The following ANKRD30A variants were observed in gnomAD, a reference collection of about 807,000 sequenced individuals.
ANKRD30A encodes the protein ankyrin repeat domain-containing protein 30A.
Under a neutral mutation model 166.3 loss-of-function variants are expected in ANKRD30A, and 170 were observed. That is an observed-to-expected ratio of 1.02 (90% confidence interval 0.90 to 1.16). ANKRD30A has a LOEUF of 1.16. Ranked by LOEUF, ANKRD30A falls within the 50% of genes most tolerant of loss-of-function variation. The probability of loss-of-function intolerance (pLI) is 0.00; values close to 1 mark genes in which losing one functional copy is unlikely to be tolerated. For missense variants in ANKRD30A, 1,630 were observed against 1,518.0 expected (o/e 1.07, Z -1.23); for synonymous variants, 564 against 508.9 (o/e 1.11, Z -1.46).
intron 6 of ANKRD30A, among the ~76,000 whole-genome samples, chr10:37,141,324 C>T (rs1837090369): frequency 6.6e-6 from 1 of 152,038 alleles, no homozygotes; most frequent in Non-Finnish European, 1.5e-5. Flanking sequence ...GTAGTCCTAG[C>T]ACTCTGGGAG....
chr10:37,179,210 C>T (rs1426480133), intron 24 of ANKRD30A, among the ~76,000 whole-genome samples: 2 of 150,798 alleles, frequency 1.3e-5, no homozygotes, highest in Non-Finnish European at 3.0e-5. Flanking sequence ...TAACATGCTA[C>T]ACGAAACCAG....
intron 13 of ANKRD30A, among the ~76,000 whole-genome samples, chr10:37,157,485 G>T (rs551695536): frequency 3.3e-5 from 5 of 152,230 alleles, no homozygotes; most frequent in Non-Finnish European, 4.4e-5. Flanking sequence ...GGTACCTCAG[G>T]CACCCAAGTA....
At chr10:37,172,091 A>T (rs1839612269) in intron 21 of ANKRD30A, among the ~76,000 whole-genome samples, 1 of 138,612 alleles carries the variant, frequency 7.2e-6, no homozygotes, top group African/African-American at 2.8e-5. Context: ...CACGTCTGTA[A>T]TGCCAGCACG....
intron 6 of ANKRD30A, among the ~76,000 whole-genome samples, chr10:37,137,683 G>A (rs561045286): frequency 1.3e-5 from 2 of 152,270 alleles, no homozygotes; most frequent in South Asian, 2.1e-4. Flanking sequence ...GGGGAGGGAC[G>A]CTTACCATTG....
At chr10:37,236,681 T>C (rs150424034), downstream of ANKRD30A, among the ~76,000 whole-genome samples, 266 of 152,310 alleles carry the variant, frequency 1.7e-3, no homozygotes, top group Admixed American at 6.7e-3. Flanking sequence ...TAAGTTCAGG[T>C]TTGTCTTTGT....
chr10:37,183,853 A>G (rs1413920580), intron 24 of ANKRD30A, among the ~76,000 whole-genome samples: 1 of 148,572 alleles, frequency 6.7e-6, no homozygotes, highest in African/African-American at 2.5e-5. Flanking sequence ...ACACTTATTT[A>G]TTTAAAAAAT....
intron 31 of ANKRD30A, among the ~76,000 whole-genome samples, chr10:37,208,475 G>T (rs753323035): frequency 1.3e-5 from 2 of 152,076 alleles, no homozygotes; most frequent in Non-Finnish European, 2.9e-5. Context: ...CTAACCTGTG[G>T]TCACCATTTG....
At position 37,162,837 on chromosome 10, in the gene ANKRD30A, C is replaced by T. The variant is rs772520660; in HGVS notation, c.1991C>T (p.Thr664Ile). Residue 664 changes from threonine to isoleucine, a missense_variant, in exon 17 of 36, where the codon ACA becomes ATA. Physicochemically the swap from Thr to Ile is moderately conservative, Grantham distance 89 (BLOSUM62 -1). Transcript: ENST00000361713. Reference sequence around the variant, plus strand: ...GCCTTGGAATTGAAAAATGAACAAACATTGAGAGCAGGTAAATTTTTCAAT... The same window carrying T: ...GCCTTGGAATTGAAAAATGAACAAATATTGAGAGCAGGTAAATTTTTCAAT... ...NKALELKNEQTLRADEILPSE... is the reference protein window; with the variant it reads ...NKALELKNEQILRADEILPSE... The T allele has an allele frequency of 4.3e-6, 7 of 1,613,330 alleles. No individual in the cohort carries two copies. Among genetic ancestry groups the T allele is most frequent in the Non-Finnish European group, 5.9e-6 (7 of 1,179,666 alleles).
chr10:37,126,904 G>A (rs1284494491), intron 1 of ANKRD30A, among the ~76,000 whole-genome samples: 1 of 151,640 alleles, frequency 6.6e-6, no homozygotes, highest in African/African-American at 2.4e-5. Context: ...AAAATTAGCC[G>A]GGCATGATGT....
At chr10:37,215,875 C>G (rs1456765706) in intron 31 of ANKRD30A, among the ~76,000 whole-genome samples, 2 of 151,438 alleles carry the variant, frequency 1.3e-5, no homozygotes, top group Non-Finnish European at 3.0e-5. Flanking sequence ...TGTAGCCATA[C>G]ATTCCTCAGG....
chr10:37,167,916 T>C lies in ANKRD30A; in HGVS notation c.2155+1221T>C, dbSNP rs200235420. On this transcript the variant is annotated intron_variant, in intron 19 of 35. Coordinates refer to ENST00000361713, the MANE Select transcript of ANKRD30A (RefSeq NM_052997.3). ...AACATGATGAATGTTTGTAATGCAA[T>C]GATATAAATTATTATAATGTGTTGC... 8.9e-3 allele frequency among the ~76,000 whole-genome samples: 1,095 copies of C among 122,474 alleles called. 28 individuals carry two copies. Among genetic ancestry groups the C allele is most frequent in the East Asian group, 0.086 (368 of 4,290 alleles). The allele number at this position is 122,474 out of a possible 152,430, so 80.3% of individuals were successfully genotyped here. A position where few individuals can be genotyped will look rare whatever the true frequency, so the allele number is the denominator to read the frequency against.
rs1467612476 is a variant in ANKRD30A at position 37,222,514 on chromosome 10, T to C, written c.4185+2617T>C. Among the ~76,000 whole-genome samples the C allele has an allele frequency of 4.6e-5, 7 of 151,272 alleles. No homozygotes were observed. The East Asian group carries it at 1.4e-3, about 29-fold the overall frequency. ...CTATTCATTCATCAGTTGATAGATG[T>C]TTAGGTTGCTTCTGCTTGTGGCCAT... On this transcript the variant is annotated intron_variant, in intron 34 of 35. Coordinates refer to ENST00000361713, the MANE Select transcript of ANKRD30A (RefSeq NM_052997.3).
At chr10:37,193,772 C>T (rs1840803534) in intron 27 of ANKRD30A, among the ~76,000 whole-genome samples, 1 of 152,034 alleles carries the variant, frequency 6.6e-6, no homozygotes, top group Non-Finnish European at 1.5e-5. Flanking sequence ...CTTGTCTAGA[C>T]ACGGTGTTTT....
At chr10:37,195,882 G>T (rs1841045350) in intron 27 of ANKRD30A, among the ~76,000 whole-genome samples, 1 of 152,096 alleles carries the variant, frequency 6.6e-6, no homozygotes, top group African/African-American at 2.4e-5. Flanking sequence ...TGGATAGAAG[G>T]TCAAGACATA....
intron 13 of ANKRD30A, among the ~76,000 whole-genome samples, chr10:37,156,380 T>TA (rs200451772): frequency 0.01 from 1,537 of 151,194 alleles, 27 homozygotes; most frequent in African/African-American, 0.035. Flanking sequence ...ATAAAAGTAA[T>TA]AAAAAAAAAC....
At chr10:37,243,316 T>G in the ANKRD30A span, among the ~76,000 whole-genome samples, 1 of 148,744 alleles carries the variant, frequency 6.7e-6, no homozygotes, top group Non-Finnish European at 1.5e-5. Flanking sequence ...TTTTTTTTTT[T>G]TGTATTTTTA....
chr10:37,248,184 C>G, the ANKRD30A span: 2 of 634,862 alleles, frequency 3.2e-6, no homozygotes, highest in Admixed American at 3.7e-5. Flanking sequence ...GGAGAGCATG[C>G]TCAGGTTTCC....
Position 37,162,991 on chromosome 10 carries a change from G to A in ANKRD30A, c.2002+143G>A, listed in dbSNP as rs1197021405. The A allele has an allele frequency of 6.3e-6, 7 of 1,118,454 alleles. No individual in the cohort carries two copies. The Admixed American group carries it at 2.0e-4, about 33-fold the overall frequency. 69.3% of individuals were successfully genotyped at this position (1,118,454 alleles called of 1,614,324 possible). On this transcript the variant is annotated intron_variant, in intron 17 of 35. Transcript: ENST00000361713. ...AATGCCAATACTGGTATTGATGTTT[G>A]AAAAGCTGGTATTACAAGCACAGTA...
intron 17 of ANKRD30A, among the ~76,000 whole-genome samples, chr10:37,163,383 C>G (rs1489951100): frequency 8.3e-5 from 3 of 36,016 alleles, no homozygotes; most frequent in African/African-American, 3.4e-4. Context: ...GGTACCTTTA[C>G]CTTGTAAAGA....
Sources: gnomAD v4.1 joint callset for allele counts (sites outside exome capture counted in the v4.1 genomes callset) on GRCh38, gnomAD v4.1.1 for gene constraint, MANE v1.5 for transcripts, NCBI Gene and HGNC (gene_info 2026-07-23, HGNC 2026-07-21) for gene names.